The following MAP3K9 variants were observed in gnomAD, a reference collection of about 807,000 sequenced individuals.
MAP3K9 encodes the protein mixed lineage kinase 1 (tyr and ser/thr specificity).
MAP3K9 carries 46 observed loss-of-function variants against 95.8 expected under a neutral mutation model. That is an observed-to-expected ratio of 0.48 (90% CI 0.38 to 0.61). The LOEUF is 0.61. MAP3K9 is among the 20% of genes least tolerant of loss of function. The pLI, the probability that MAP3K9 is intolerant of heterozygous loss-of-function variation, is 0.00. For synonymous variants in MAP3K9, 533 were observed against 593.8 expected (o/e 0.90, Z 1.49); for missense variants, 1,296 against 1,474.3 (o/e 0.88, Z 1.98).
chr14:70,747,082 G>A (rs994314919), intron 5 of MAP3K9, among the ~76,000 whole-genome samples: 3 of 152,198 alleles, frequency 2.0e-5, no homozygotes, highest in African/African-American at 7.2e-5. Flanking sequence ...GTTCAGAATT[G>A]CTATGTTCCA....
At chr14:70,805,739 C>A (rs2054982946) in intron 1 of MAP3K9, among the ~76,000 whole-genome samples, 1 of 152,062 alleles carries the variant, frequency 6.6e-6, no homozygotes. Flanking sequence ...GGCAACAAAG[C>A]AAGACCTCAC....
Position 70,732,499 on chromosome 14 carries a change from G to A in MAP3K9, c.2830+40C>T, listed in dbSNP as rs2053918441. 4.0e-6 allele frequency: 6 copies of A among 1,511,452 alleles called. No individual in the cohort carries two copies. In the South Asian group the frequency reaches 6.8e-5, roughly 17 times the overall value. 93.6% of individuals were successfully genotyped at this position (1,511,452 alleles called of 1,614,324 possible). On this transcript the variant is annotated intron_variant, in intron 11 of 11. Transcript: ENST00000554752. ...TGCAAACATCTTCACTCCCTGAGGAGGCACAAAGAAAGGAAAGAGAAAAGA... is the reference window on the plus strand; with the variant it reads ...TGCAAACATCTTCACTCCCTGAGGAAGCACAAAGAAAGGAAAGAGAAAAGA...
At chr14:70,804,932 T>C (rs1436284906) in intron 1 of MAP3K9, among the ~76,000 whole-genome samples, 1 of 152,172 alleles carries the variant, frequency 6.6e-6, no homozygotes, top group Admixed American at 6.5e-5. Flanking sequence ...AAGGACCTTC[T>C]TTTTCCTTCC....
intron 1 of MAP3K9, among the ~76,000 whole-genome samples, chr14:70,806,317 G>C (rs2054989602): frequency 6.6e-6 from 1 of 152,120 alleles, no homozygotes; most frequent in Non-Finnish European, 1.5e-5. Flanking sequence ...AGCAACTTCT[G>C]ATCTTATCAC....
chr14:70,732,650 AG>A lies in MAP3K9; in HGVS notation c.2718del (p.Ser907ArgfsTer21), dbSNP rs774413853. 3.1e-6 allele frequency: 5 copies of A among 1,605,622 alleles called. No individual in the cohort carries two copies. Among genetic ancestry groups the A allele is most frequent in the East Asian group, 2.2e-5 (1 of 44,706 alleles). On this transcript the variant is annotated frameshift_variant, in exon 11 of 12. Coordinates refer to ENST00000554752, the MANE Select transcript of MAP3K9 (RefSeq NM_001284230.2). LOFTEE classifies it high-confidence loss of function. The part of the protein sequence containing the change: ...LTPTHVTLTT[P>X]SQPSSHRRTP... ...GTCCGCCGGTGACTGCTGGGCTGCG[AG>A]GGGGTGGTGAGGGTGACATGGGTGG... is the stretch of plus-strand genomic sequence containing the variant.
chr14:70,770,131 T>A (rs538912844), intron 2 of MAP3K9, among the ~76,000 whole-genome samples: 1 of 152,134 alleles, frequency 6.6e-6, no homozygotes, highest in Non-Finnish European at 1.5e-5. Flanking sequence ...TGGGAACACC[T>A]GGTGGTAGGG....
At chr14:70,798,277 T>A (rs1382005222) in intron 2 of MAP3K9, among the ~76,000 whole-genome samples, 4 of 152,204 alleles carry the variant, frequency 2.6e-5, no homozygotes, top group African/African-American at 9.7e-5. Flanking sequence ...CTATTAACTT[T>A]TACAACTTTG....
At chr14:70,769,480 G>A (rs1461907460) in intron 2 of MAP3K9, among the ~76,000 whole-genome samples, 1 of 152,198 alleles carries the variant, frequency 6.6e-6, no homozygotes, top group Non-Finnish European at 1.5e-5. Flanking sequence ...GCTGTGTGTT[G>A]TAGCCTCCTA....
chr14:70,730,419 C>A lies in MAP3K9; in HGVS notation c.3276G>T (p.Arg1092Ser). The A allele has an allele frequency of 1.9e-6, 3 of 1,614,086 alleles. No homozygotes were observed. The highest frequency in any genetic ancestry group is 1.1e-5 in the South Asian group (1 of 91,066). ...PLCRAELNTHRPAPYEIQQEF... is the reference protein window; with the variant it reads ...PLCRAELNTHSPAPYEIQQEF... ...CCTGCTGGATCTCATAAGGGGCAGG[C>A]CTGTGTGTGTTCAGTTCCGCTCTGC... The change falls in exon 12 of 12, where the codon AGG becomes AGT. Residue 1092 changes from arginine to serine, a missense_variant. Arg to Ser is a moderately radical substitution (Grantham distance 110). This residue lies in a region of MAP3K9 where 433 missense variants were observed against 441.4 expected (regional missense o/e 0.98). Transcript: ENST00000554752.
chr14:70,739,502 T>TCACA (rs141869536), intron 7 of MAP3K9, among the ~76,000 whole-genome samples: 10,068 of 148,390 alleles, frequency 0.068, 536 homozygotes, highest in Admixed American at 0.14. Flanking sequence ...AGGTGTATGT[T>TCACA]CACACACACA....
rs1947884675 is a variant in MAP3K9 at position 70,729,935 on chromosome 14, A to C, written c.*445T>G. ...CCTGGGTGTTGGGGGACAGCGGAGG[A>C]GGACCAAAATCAATCACAGAATATC... On this transcript the variant is annotated 3_prime_UTR_variant, in exon 12 of 12. Transcript: ENST00000554752. 6.0e-6 allele frequency: 1 copy of C among 167,460 alleles called. No individual in the cohort carries two copies. The highest frequency in any genetic ancestry group is 1.7e-4 in the East Asian group (1 of 5,978). The allele number at this position is 167,460 out of a possible 1,614,324, so 10.4% of individuals were successfully genotyped here.
rs919494991 is a variant in MAP3K9, at chr14:70,722,771, C to G, written c.*7609G>C. On this transcript the variant is annotated 3_prime_UTR_variant, in exon 12 of 12. Coordinates refer to ENST00000554752, the MANE Select transcript of MAP3K9 (RefSeq NM_001284230.2). ...GTTGACAACATACAATAACTTAAAT[C>G]CCAAAGCAAAGTGGGAATTCAAGGA... 2 of 151,894 alleles carry G rather than the reference C, an allele frequency of 1.3e-5. No homozygotes were observed. Among genetic ancestry groups the G allele is most frequent in the African/African-American group, 4.8e-5 (2 of 41,362 alleles). The allele number at this position is 151,894 out of a possible 1,614,324, so 9.4% of individuals were successfully genotyped here.
At chr14:70,807,202 T>C (rs189262789) in intron 1 of MAP3K9, among the ~76,000 whole-genome samples, 39 of 152,314 alleles carry the variant, frequency 2.6e-4, no homozygotes, top group Middle Eastern at 3.4e-3. Context: ...AAAAAACATC[T>C]AAAGATAGGC....
At chr14:70,798,662 T>C (rs1157060029) in intron 2 of MAP3K9, among the ~76,000 whole-genome samples, 1 of 151,438 alleles carries the variant, frequency 6.6e-6, no homozygotes, top group Admixed American at 6.6e-5. Flanking sequence ...GTATTTTTAG[T>C]AGAGACGGGG....
At chr14:70,776,723 A>G (rs1484557034) in intron 2 of MAP3K9, among the ~76,000 whole-genome samples, 4 of 152,102 alleles carry the variant, frequency 2.6e-5, no homozygotes, top group Admixed American at 2.6e-4. Flanking sequence ...CAAATAAAGC[A>G]TTCTCAACCT....
In MAP3K9 at chr14:70,731,480, T is replaced by C. The variant is rs181088428; in HGVS notation, c.2831-616A>G. ...AAAAAAGGTATACAATAACATTTTA[T>C]TGAAACACAGCCACATCCAGTGTCT... On this transcript the variant is annotated intron_variant, in intron 11 of 11. Coordinates refer to ENST00000554752, the MANE Select transcript of MAP3K9 (RefSeq NM_001284230.2). Among the ~76,000 whole-genome samples the C allele has an allele frequency of 5.3e-4, 81 of 152,350 alleles. 1 individual carries two copies. Among genetic ancestry groups the C allele is most frequent in the African/African-American group, 4.8e-5 (2 of 41,570 alleles).
intron 1 of MAP3K9, among the ~76,000 whole-genome samples, chr14:70,805,425 T>C (rs558588554): frequency 6.6e-6 from 1 of 152,334 alleles, no homozygotes; most frequent in African/African-American, 2.4e-5. Flanking sequence ...TTTGGAACTG[T>C]ACATTTTTCA....
chr14:70,756,833 C>T (rs2054305406), intron 3 of MAP3K9, among the ~76,000 whole-genome samples: 1 of 152,184 alleles, frequency 6.6e-6, no homozygotes, highest in Middle Eastern at 3.2e-3. Context: ...CTATCTAAGC[C>T]TCCATATCTG....
rs190979364 is a variant in MAP3K9 at position 70,732,399 on chromosome 14, A to G, written c.2830+140T>C. ...GCCCTGGCTGCCTCCCTGATCCCAG[A>G]TCTGTATTTCTTGATTGGCTAAGAG... On this transcript the variant is annotated intron_variant, in intron 11 of 11. Coordinates refer to ENST00000554752, the MANE Select transcript of MAP3K9 (RefSeq NM_001284230.2). 4.9e-4 allele frequency: 643 copies of G among 1,309,206 alleles called. 1 individual carries two copies. Among genetic ancestry groups the G allele is most frequent in the Non-Finnish European group, 5.1e-4 (519 of 1,009,716 alleles). 81.1% of individuals were successfully genotyped at this position (1,309,206 alleles called of 1,614,324 possible). A position where few individuals can be genotyped will look rare whatever the true frequency, so the allele number is the denominator to read the frequency against.
Sources: allele counts gnomAD v4.1 joint callset (sites outside exome capture counted in the v4.1 genomes callset), GRCh38; gene constraint gnomAD v4.1.1; regional missense constraint gnomAD v4.1.1; transcripts MANE v1.5; gene names NCBI Gene and HGNC (gene_info 2026-07-23, HGNC 2026-07-21).